Variants in ESRRG observed in about 807,000 individuals in gnomAD.
The protein encoded by ESRRG is estrogen-related receptor gamma.
ESRRG carries 13 observed loss-of-function variants against 44.0 expected under a neutral mutation model. The observed-to-expected ratio is 0.30, with a 90% CI of 0.19 to 0.47. The LOEUF (loss-of-function observed/expected upper bound fraction) is 0.47, where lower values mean the gene tolerates loss of function less well. ESRRG is among the 20% of genes least tolerant of loss of function. The probability of loss-of-function intolerance (pLI) is 1.00; values close to 1 mark genes in which losing one functional copy is unlikely to be tolerated. For synonymous variants in ESRRG, 215 were observed against 214.6 expected (o/e 1.00, Z -0.02); for missense variants, 395 against 580.6 (o/e 0.68, Z 3.29).
intron 6 of ESRRG, 129 bp downstream of exon 6, chr1:216,519,023 C>T: frequency 1.4e-6 from 1 of 714,096 alleles, no homozygotes; most frequent in Admixed American, 2.8e-5. Context: ...GAAAGCTATA[C>T]TGATTATAAT....
intron 3 of ESRRG, among the ~76,000 whole-genome samples, 192 bp downstream of exon 3, chr1:216,650,781 C>G (rs936010660): frequency 6.6e-6 from 1 of 152,098 alleles, no homozygotes; most frequent in Non-Finnish European, 1.5e-5. Flanking sequence ...CTACCTTGTC[C>G]CTTCCTGTCA....
chr1:217,020,719 C>T (rs1009318273), intron 1 of ESRRG, among the ~76,000 whole-genome samples: 4 of 152,228 alleles, frequency 2.6e-5, no homozygotes, highest in Middle Eastern at 3.4e-3. Flanking sequence ...GAAAAATCTA[C>T]GGATAAGCAT....
At chr1:216,979,016 A>G (rs1316143747) in intron 1 of ESRRG, among the ~76,000 whole-genome samples, 7 of 152,094 alleles carry the variant, frequency 4.6e-5, no homozygotes, top group Non-Finnish European at 1.0e-4. Flanking sequence ...CCAGCCTTAG[A>G]GAGGAGAAGT....
rs1416055829 is a variant in ESRRG, at chr1:216,935,809, G to T, written c.-14+3773C>A. ...TTTTTATATTTTTAGTAGAGATGGG[G>T]TTTCACCATGTTGGCCAGGCTGGTC... is the stretch of plus-strand genomic sequence containing the variant. On this transcript the variant is annotated intron_variant, in intron 2 of 7. Transcript: ENST00000359162. Among the ~76,000 whole-genome samples, 5 of 151,992 alleles carry T rather than the reference G, an allele frequency of 3.3e-5. No homozygotes were observed. In the East Asian group the frequency reaches 9.7e-4, roughly 29 times the overall value.
chr1:217,117,345 G>T (rs1431040187), intron 1 of ESRRG, among the ~76,000 whole-genome samples: 17 of 152,104 alleles, frequency 1.1e-4, no homozygotes. Context: ...CCAGTGATTT[G>T]GGAGGCTGAG....
chr1:216,819,076 G>A (rs1049252136), intron 2 of ESRRG, among the ~76,000 whole-genome samples: 13 of 152,070 alleles, frequency 8.5e-5, no homozygotes, highest in South Asian at 6.2e-4. Context: ...GTGGACATAC[G>A]TGTACATATA....
At chr1:216,532,510 T>C (rs1166528503) in intron 5 of ESRRG, among the ~76,000 whole-genome samples, 2 of 152,230 alleles carry the variant, frequency 1.3e-5, no homozygotes, top group South Asian at 2.1e-4. Flanking sequence ...TTTTCACTAT[T>C]GCCGACGCAG....
At chr1:217,082,181 A>T (rs887135390) in intron 1 of ESRRG, among the ~76,000 whole-genome samples, 1 of 152,162 alleles carries the variant, frequency 6.6e-6, no homozygotes, top group Admixed American at 6.5e-5. Context: ...TACCAACCAC[A>T]ATGCTTGTTC....
intron 2 of ESRRG, among the ~76,000 whole-genome samples, chr1:216,662,063 A>G (rs2072597556): frequency 6.6e-6 from 1 of 152,282 alleles, no homozygotes; most frequent in African/African-American, 2.4e-5. Flanking sequence ...ATTAAGTAAG[A>G]TCATGTATTT....
chr1:216,636,145 A>C (rs983740431), intron 3 of ESRRG, among the ~76,000 whole-genome samples: 44 of 152,330 alleles, frequency 2.9e-4, no homozygotes, highest in African/African-American at 1.0e-3. Flanking sequence ...CTTAATAGCA[A>C]CTCAGGGCTG....
intron 3 of ESRRG, among the ~76,000 whole-genome samples, chr1:216,626,474 A>T: frequency 6.6e-6 from 1 of 152,194 alleles, no homozygotes; most frequent in East Asian, 1.9e-4. Context: ...CCTACTGGAT[A>T]CTGTGGCTCC....
intron 5 of ESRRG, among the ~76,000 whole-genome samples, chr1:216,550,849 C>T (rs1365446757): frequency 6.6e-6 from 1 of 152,082 alleles, no homozygotes; most frequent in South Asian, 2.1e-4. Context: ...ATTTAAAATC[C>T]AAATGGTTTC....
At chr1:217,100,250 A>G (rs2092490457) in intron 1 of ESRRG, among the ~76,000 whole-genome samples, 1 of 152,210 alleles carries the variant, frequency 6.6e-6, no homozygotes, top group Non-Finnish European at 1.5e-5. Flanking sequence ...ACAAAAATAC[A>G]TTTCATTCCC....
chr1:216,539,689 C>A (rs1230521152), intron 5 of ESRRG, among the ~76,000 whole-genome samples: 1 of 151,982 alleles, frequency 6.6e-6, no homozygotes, highest in African/African-American at 2.4e-5. Context: ...GAGACTTACA[C>A]ATACTAGGTG....
chr1:217,008,826 A>G (rs542706997), intron 1 of ESRRG, among the ~76,000 whole-genome samples: 45 of 152,274 alleles, frequency 3.0e-4, no homozygotes, highest in African/African-American at 1.0e-3. Context: ...AGTTAAATAG[A>G]CTAGCATTCC....
intron 2 of ESRRG, among the ~76,000 whole-genome samples, chr1:216,936,988 C>A (rs1291472124): frequency 6.6e-6 from 1 of 151,958 alleles, no homozygotes; most frequent in Non-Finnish European, 1.5e-5. Flanking sequence ...CTGAAACATC[C>A]CCCCTGCAGA....
chr1:217,094,022 A>G (rs116051561), upstream of ESRRG, among the ~76,000 whole-genome samples: 2,552 of 152,116 alleles, frequency 0.017, 78 homozygotes, highest in African/African-American at 0.059. Context: ...AGCTAGGACT[A>G]CAGGTACGTG....
intron 1 of ESRRG, among the ~76,000 whole-genome samples, chr1:217,085,506 T>G (rs2092030515): frequency 1.5e-5 from 2 of 136,720 alleles, no homozygotes; most frequent in Admixed American, 7.5e-5. Flanking sequence ...TTTTTTTTTT[T>G]TTTTAGACGA....
At chr1:216,758,611 C>A (rs769310402) in intron 2 of ESRRG, among the ~76,000 whole-genome samples, 3 of 151,868 alleles carry the variant, frequency 2.0e-5, no homozygotes, top group Admixed American at 6.6e-5. Flanking sequence ...GTTGACTGTA[C>A]TATTTTACAA....
Sources: allele counts gnomAD v4.1 joint callset (sites outside exome capture counted in the v4.1 genomes callset), GRCh38; gene constraint gnomAD v4.1.1; transcripts MANE v1.5; gene names NCBI Gene and HGNC (gene_info 2026-07-23, HGNC 2026-07-21).